LAMA2: variants seen among roughly 807,000 people sequenced by gnomAD.
LAMA2 encodes laminin subunit alpha 2, also known as laminin subunit alpha-2.
Under a neutral mutation model 364.8 loss-of-function variants are expected in LAMA2, and 269 were observed. The observed-to-expected ratio is 0.74, with a 90% CI of 0.67 to 0.82. The LOEUF (loss-of-function observed/expected upper bound fraction) is 0.82, where lower values mean the gene tolerates loss of function less well. Among genes scored for constraint, LAMA2 ranks in the 40% least tolerant of loss-of-function variants. LAMA2 has a pLI of 0.00. For synonymous variants in LAMA2, 1,379 were observed against 1,370.6 expected, an observed-to-expected ratio of 1.01 and a Z score of -0.14; for missense variants, 3,807 against 3,873.2, an observed-to-expected ratio of 0.98 and a Z score of 0.45.
chr6:128,884,940 C>T (rs1776062103), intron 1 of LAMA2, among the ~76,000 whole-genome samples: 1 of 152,148 alleles, frequency 6.6e-6, no homozygotes, highest in Non-Finnish European at 1.5e-5. Flanking sequence ...ATCCTGAACA[C>T]ACACAGGATT....
intron 64 of LAMA2, among the ~76,000 whole-genome samples, chr6:129,515,890 G>A (rs1302769198): frequency 6.6e-6 from 1 of 152,080 alleles, no homozygotes; most frequent in Non-Finnish European, 1.5e-5. Flanking sequence ...GAGTTGGAGA[G>A]CAGCCTGGGC....
At chr6:128,982,118 A>G (rs1056213224) in intron 1 of LAMA2, among the ~76,000 whole-genome samples, 3 of 152,192 alleles carry the variant, frequency 2.0e-5, no homozygotes, top group Admixed American at 1.3e-4. Context: ...ACAGGAAAAG[A>G]AACATGATAA....
chr6:129,174,013 T>G (rs1053795184), intron 9 of LAMA2, among the ~76,000 whole-genome samples: 3 of 152,124 alleles, frequency 2.0e-5, no homozygotes, highest in Non-Finnish European at 4.4e-5. Context: ...CTCACTACTG[T>G]TGATAATTTC....
At chr6:129,268,968 A>C (rs1301993981) in intron 16 of LAMA2, among the ~76,000 whole-genome samples, 4 of 152,108 alleles carry the variant, frequency 2.6e-5, no homozygotes. Context: ...CATCAAGGGC[A>C]TTCTTACTGT....
At chr6:129,092,824 C>T (rs538685166) in intron 3 of LAMA2, among the ~76,000 whole-genome samples, 19 of 152,264 alleles carry the variant, frequency 1.2e-4, no homozygotes, top group South Asian at 8.3e-4. Context: ...ATATTTTTTA[C>T]GGCTTTTGTG....
chr6:129,447,146 A>G (rs1446198576), intron 45 of LAMA2, among the ~76,000 whole-genome samples: 1 of 152,244 alleles, frequency 6.6e-6, no homozygotes, highest in Non-Finnish European at 1.5e-5. Context: ...TAAGGTACAC[A>G]AAGACGAATA....
intron 5 of LAMA2, among the ~76,000 whole-genome samples, chr6:129,146,686 G>A (rs1220833334): frequency 1.3e-5 from 2 of 151,976 alleles, no homozygotes; most frequent in South Asian, 4.1e-4. Flanking sequence ...TCAGCCACAG[G>A]TACTCTAGCA....
chr6:129,026,224 T>C (rs1244216689), intron 1 of LAMA2, among the ~76,000 whole-genome samples: 1 of 93,164 alleles, frequency 1.1e-5, no homozygotes, highest in East Asian at 2.5e-3. Flanking sequence ...ATAAAATAAG[T>C]GTTTTGACAA....
In LAMA2 at chr6:129,192,848, A is replaced by G; in HGVS notation, c.1777A>G (p.Asn593Asp). Residue 593 changes from asparagine (N) to aspartate (D), a missense_variant, in exon 12 of 65, where the codon AAC (asparagine) becomes GAC (aspartate). Coordinates refer to ENST00000421865, the MANE Select transcript of LAMA2 (RefSeq NM_000426.4). ...YWSAPAPYLG[N>D]KLPAVGGQLT... is the part of the protein sequence containing the mutation. ...GAGCGCGCCGGCTCCCTATCTGGGA[A>G]ACAAAGTAAGTCCACGCTTGCTTCC... is the stretch of plus-strand genomic sequence containing the variant. 6.2e-7 allele frequency: 1 copy of G among 1,613,966 alleles called. No individual in the cohort carries two copies. Among genetic ancestry groups the G allele is most frequent in the Non-Finnish European group, 8.5e-7 (1 of 1,179,894 alleles).
At chr6:129,061,286 G>A (rs564906037) in intron 3 of LAMA2, among the ~76,000 whole-genome samples, 1 of 152,244 alleles carries the variant, frequency 6.6e-6, no homozygotes, top group East Asian at 1.9e-4. Flanking sequence ...CCAGGGACAG[G>A]CAATCAATAA....
intron 1 of LAMA2, among the ~76,000 whole-genome samples, chr6:129,004,237 A>T (rs1784284376): frequency 2.1e-5 from 1 of 46,874 alleles, no homozygotes; most frequent in Admixed American, 1.9e-4. Context: ...GGAATATCAC[A>T]CTCTGGGGAC....
intron 29 of LAMA2, among the ~76,000 whole-genome samples, chr6:129,341,332 C>T (rs1337657827): frequency 6.6e-6 from 1 of 152,186 alleles, no homozygotes; most frequent in East Asian, 1.9e-4. Flanking sequence ...TTGTAACTGA[C>T]TTTTTTGTTT....
At chr6:129,022,946 C>T (rs111333320) in intron 1 of LAMA2, among the ~76,000 whole-genome samples, 17 of 152,280 alleles carry the variant, frequency 1.1e-4, no homozygotes, top group African/African-American at 3.9e-4. Flanking sequence ...ACCCTCCACC[C>T]GTTATATCAG....
intron 12 of LAMA2, among the ~76,000 whole-genome samples, chr6:129,226,323 A>G (rs1443576621): frequency 1.3e-5 from 2 of 152,094 alleles, no homozygotes; most frequent in Non-Finnish European, 2.9e-5. Context: ...TAGAGCATTT[A>G]GCCCATTTAC....
intron 60 of LAMA2, among the ~76,000 whole-genome samples, chr6:129,503,762 C>G (rs768067697): frequency 2.0e-5 from 3 of 152,210 alleles, no homozygotes; most frequent in Non-Finnish European, 4.4e-5. Context: ...GACTCCCCAC[C>G]TAACCACACA....
chr6:129,370,771 C>T (rs1778028773), intron 34 of LAMA2, among the ~76,000 whole-genome samples: 1 of 152,116 alleles, frequency 6.6e-6, no homozygotes, highest in African/African-American at 2.4e-5. Context: ...GACAGTGAAA[C>T]GAATTAACAA....
intron 29 of LAMA2, among the ~76,000 whole-genome samples, chr6:129,335,552 C>T (rs1199770666): frequency 6.6e-6 from 1 of 151,766 alleles, no homozygotes; most frequent in African/African-American, 2.4e-5. Context: ...TTCACTCTAT[C>T]ATAATTCTTA....
intron 1 of LAMA2, among the ~76,000 whole-genome samples, chr6:129,017,164 A>C (rs1317777715): frequency 6.6e-6 from 1 of 152,034 alleles, no homozygotes; most frequent in Non-Finnish European, 1.5e-5. Flanking sequence ...CAATATATTG[A>C]CCATAAGTAA....
At chr6:129,301,493 C>T (rs184512518) in intron 22 of LAMA2, among the ~76,000 whole-genome samples, 158 of 152,064 alleles carry the variant, frequency 1.0e-3, no homozygotes, top group South Asian at 1.7e-3. Flanking sequence ...ATATAGGGCG[C>T]GAGTTACATT....
Sources: allele counts gnomAD v4.1 joint callset (sites outside exome capture counted in the v4.1 genomes callset), GRCh38; gene constraint gnomAD v4.1.1; transcripts MANE v1.5; gene names NCBI Gene and HGNC (gene_info 2026-07-23, HGNC 2026-07-21).